Variants in REV3L observed in about 807,000 individuals in gnomAD.
The protein encoded by REV3L is DNA polymerase zeta catalytic subunit.
REV3L carries 69 observed loss-of-function variants against 299.4 expected under a neutral mutation model. The observed-to-expected ratio is 0.23, with a 90% CI of 0.19 to 0.28. The LOEUF is 0.28. Ranked by LOEUF, REV3L falls within the 10% of genes least tolerant of loss-of-function variation. The pLI is 1.00. For missense variants in REV3L, 3,128 were observed against 3,693.8 expected (o/e 0.85, Z 3.97); for synonymous variants, 1,238 against 1,271.4 (o/e 0.97, Z 0.56).
intron 4 of REV3L, among the ~76,000 whole-genome samples, chr6:111,396,254 T>C (rs1782493703): frequency 6.6e-6 from 1 of 152,158 alleles, no homozygotes; most frequent in South Asian, 2.1e-4. Context: ...CTCAAACTCC[T>C]GGGCTCAAGT....
At chr6:111,482,726 G>T (rs748191690) in intron 1 of REV3L, 24 bp downstream of exon 1, 104 of 1,315,300 alleles carry the variant, frequency 7.9e-5, no homozygotes, top group Non-Finnish European at 9.9e-5. Context: ...TCCCGCTCCC[G>T]CCCCGCGCCC....
At chr6:111,467,427 T>G (rs901709853) in intron 1 of REV3L, among the ~76,000 whole-genome samples, 1 of 152,234 alleles carries the variant, frequency 6.6e-6, no homozygotes, top group Non-Finnish European at 1.5e-5. Flanking sequence ...CCACTGCTAA[T>G]GGCTAGCCTA....
intron 2 of REV3L, among the ~76,000 whole-genome samples, chr6:111,414,043 ATACATGCTAGTGCACTAGCATGCAGTT>A (rs778737115): frequency 1.3e-4 from 20 of 152,264 alleles, no homozygotes; most frequent in Non-Finnish European, 1.9e-4. Flanking sequence ...GAGTCATCTC[ATACATGCTAGTGCACTAGCATGCAGTT>A]TACATGCTAG....
At chr6:111,440,957 G>A (rs1583004639) in intron 1 of REV3L, among the ~76,000 whole-genome samples, 2 of 152,310 alleles carry the variant, frequency 1.3e-5, no homozygotes, top group African/African-American at 4.8e-5. Flanking sequence ...ACAGAAGTCC[G>A]ATGTAATTTT....
intron 25 of REV3L, among the ~76,000 whole-genome samples, chr6:111,324,477 G>T (rs1460534061): frequency 6.6e-6 from 1 of 152,166 alleles, no homozygotes; most frequent in African/African-American, 2.4e-5. Flanking sequence ...TTAAATATGT[G>T]AGGAAAAAGA....
At chr6:111,305,795 G>A (rs549586987) in intron 31 of REV3L, among the ~76,000 whole-genome samples, 15 of 151,952 alleles carry the variant, frequency 9.9e-5, no homozygotes, top group East Asian at 3.9e-4. Flanking sequence ...TCATTTAGGC[G>A]TCATACTAGG....
intron 25 of REV3L, among the ~76,000 whole-genome samples, chr6:111,326,011 A>G (rs1774752142): frequency 6.6e-6 from 1 of 152,126 alleles, no homozygotes; most frequent in Non-Finnish European, 1.5e-5. Context: ...TAAGAGTGAG[A>G]ATGTGTGATA....
At chr6:111,463,293 T>C (rs58362647) in intron 1 of REV3L, among the ~76,000 whole-genome samples, 4,681 of 152,208 alleles carry the variant, frequency 0.031, 220 homozygotes, top group African/African-American at 0.11. Flanking sequence ...TTATCAAGCT[T>C]CCAAGTGAAC....
chr6:111,476,397 T>A (rs1054993850), intron 1 of REV3L, among the ~76,000 whole-genome samples: 1 of 152,248 alleles, frequency 6.6e-6, no homozygotes, highest in East Asian at 1.9e-4. Flanking sequence ...GCTGAAGCAA[T>A]CCTCCCACCT....
intron 16 of REV3L, 49 bp from the exon 17 acceptor site, chr6:111,359,063 TG>T (rs1293312237): frequency 3.2e-5 from 48 of 1,496,046 alleles, no homozygotes; most frequent in Non-Finnish European, 4.3e-5. Context: ...TTTAAAGACA[TG>T]CTCAAAGAAG....
intron 1 of REV3L, chr6:111,430,260 C>G: frequency 6.4e-6 from 6 of 937,612 alleles, no homozygotes; most frequent in Non-Finnish European, 1.1e-5. Flanking sequence ...AATCAACTGG[C>G]GAGACAATTG....
chr6:111,389,658 C>T lies in REV3L; in HGVS notation c.757+428G>A, dbSNP rs59060171. On this transcript the variant is annotated intron_variant, in intron 6 of 31. Coordinates refer to ENST00000368802, the MANE Select transcript of REV3L (RefSeq NM_001372078.1). ...CAATCTTCATAACATTTTGTATCCT[C>T]CTTCTATAATATCTTAGTTTCCTCG... is the stretch of plus-strand genomic sequence containing the variant. 1.5e-3 allele frequency among the ~76,000 whole-genome samples: 234 copies of T among 151,628 alleles called. 3 individuals carry two copies. Among genetic ancestry groups the T allele is most frequent in the African/African-American group, 5.1e-3 (211 of 41,330 alleles).
chr6:111,445,216 G>A (rs1188204102), intron 1 of REV3L, among the ~76,000 whole-genome samples: 2 of 152,160 alleles, frequency 1.3e-5, no homozygotes. Context: ...ACAATAGACA[G>A]TGGGAACTAC....
chr6:111,329,450 T>A, intron 25 of REV3L, 82 bp downstream of exon 25: 1 of 1,325,042 alleles, frequency 7.5e-7, no homozygotes. Context: ...GCTTCCAAAG[T>A]AACTGGGAAT....
intron 25 of REV3L, among the ~76,000 whole-genome samples, chr6:111,326,273 A>G (rs1327607628): frequency 6.6e-6 from 1 of 152,226 alleles, no homozygotes; most frequent in East Asian, 1.9e-4. Flanking sequence ...TAAGGAACTC[A>G]AACAACTCAG....
At chr6:111,377,562 C>A in intron 12 of REV3L, 139 bp downstream of exon 12, 1 of 861,414 alleles carries the variant, frequency 1.2e-6, no homozygotes. Context: ...GTCTCGAACT[C>A]CTGAATTCAA....
chr6:111,481,669 G>T (rs1793673158), intron 1 of REV3L, among the ~76,000 whole-genome samples: 1 of 152,060 alleles, frequency 6.6e-6, no homozygotes, highest in South Asian at 2.1e-4. Flanking sequence ...AATCCCATAG[G>T]GCAATTCATA....
At chr6:111,449,681 A>G (rs777413201) in intron 1 of REV3L, among the ~76,000 whole-genome samples, 1 of 152,212 alleles carries the variant, frequency 6.6e-6, no homozygotes, top group Non-Finnish European at 1.5e-5. Context: ...CACCCAACTA[A>G]GCATAAAAAG....
chr6:111,471,987 T>G, intron 1 of REV3L: 23 of 657,932 alleles, frequency 3.5e-5, no homozygotes, highest in Non-Finnish European at 4.9e-5. Flanking sequence ...TCACCCCCAA[T>G]ATATTAACCA....
Sources: allele counts gnomAD v4.1 joint callset (sites outside exome capture counted in the v4.1 genomes callset), GRCh38; gene constraint gnomAD v4.1.1; transcripts MANE v1.5; gene names NCBI Gene and HGNC (gene_info 2026-07-23, HGNC 2026-07-21).